The following SIM2 variants were observed in gnomAD, a reference collection of about 807,000 sequenced individuals.
SIM2 encodes the protein SIM bHLH transcription factor 2.
In SIM2, 28 loss-of-function variants were observed where a neutral mutation model predicts 64.8. The ratio of observed to expected loss-of-function variants is 0.43; its 90% CI spans 0.32 to 0.59. The LOEUF (loss-of-function observed/expected upper bound fraction) is 0.59, where lower values mean the gene tolerates loss of function less well. SIM2 is among the 20% of genes least tolerant of loss of function. The pLI is 0.07. For synonymous variants in SIM2, 408 were observed against 391.1 expected (o/e 1.04, Z -0.51); for missense variants, 847 against 871.4 (o/e 0.97, Z 0.35).
At chr21:36,702,497 C>A (rs895291183) in intron 1 of SIM2, among the ~76,000 whole-genome samples, 1 of 152,198 alleles carries the variant, frequency 6.6e-6, no homozygotes, top group Non-Finnish European at 1.5e-5. Context: ...GGGGCCTTGG[C>A]CCTCAGTCAG....
At chr21:36,736,935 T>C (rs570531173) in intron 7 of SIM2, among the ~76,000 whole-genome samples, 37 of 152,122 alleles carry the variant, frequency 2.4e-4, no homozygotes, top group African/African-American at 8.4e-4. Flanking sequence ...TTCTTCATTT[T>C]TATTTTTTAG....
intron 9 of SIM2, 53 bp from the exon 10 acceptor site, chr21:36,744,675 C>G (rs1233558012): frequency 4.0e-6 from 6 of 1,508,834 alleles, no homozygotes; most frequent in Non-Finnish European, 5.3e-6. Flanking sequence ...GGCCGGAAGG[C>G]AGCTTCCTGC....
intron 1 of SIM2, among the ~76,000 whole-genome samples, chr21:36,701,953 C>G (rs2269191): frequency 6.6e-6 from 1 of 152,078 alleles, no homozygotes; most frequent in Non-Finnish European, 1.5e-5. Context: ...ATCCAAAGAT[C>G]AAATGATTTG....
chr21:36,745,390 G>A lies in SIM2; in HGVS notation c.1576+254G>A. On this transcript the variant is annotated intron_variant, in intron 10 of 10. Coordinates refer to ENST00000290399, the MANE Select transcript of SIM2 (RefSeq NM_005069.6). The surrounding 1 kb of genome is among the most constrained non-coding windows in gnomAD (Gnocchi z 4.8). ...AAGGGCAAAGGAAAACCGAGTATCT[G>A]GCCTTCACGTAAATCCTGGCCACAT... The A allele has an allele frequency of 1.5e-6, 2 of 1,365,752 alleles. No homozygotes were observed. Among genetic ancestry groups the A allele is most frequent in the South Asian group, 1.6e-5 (1 of 60,768 alleles). 84.6% of individuals were successfully genotyped at this position (1,365,752 alleles called of 1,614,324 possible).
chr21:36,741,841 C>G lies in SIM2; in HGVS notation c.975C>G (p.Ile325Met). ...GCCGCTCGTCCCGGCCCCACTGCATCGTGAGTGTCAATTATGTACTCACGT... is the reference window on the plus strand; with the variant it reads ...GCCGCTCGTCCCGGCCCCACTGCATGGTGAGTGTCAATTATGTACTCACGT... ...HNSRSSRPHC[I>M]VSVNYVLTEI... Residue 325 changes from isoleucine (I) to methionine (M), a missense_variant, in exon 8 of 11, where the codon ATC (isoleucine) becomes ATG (methionine). This residue lies in a region of SIM2 where 397 missense variants were observed against 439.2 expected (regional missense o/e 0.90). Coordinates refer to ENST00000290399, the MANE Select transcript of SIM2 (RefSeq NM_005069.6). 6.2e-7 allele frequency: 1 copy of G among 1,600,854 alleles called. No homozygotes were observed. The highest frequency in any genetic ancestry group is 8.5e-7 in the Non-Finnish European group (1 of 1,173,886).
intron 2 of SIM2, chr21:36,709,821 T>C (rs2123428626): frequency 4.3e-6 from 1 of 232,920 alleles, no homozygotes; most frequent in South Asian, 5.2e-5. Context: ...TGTTTTGTTT[T>C]GTTTTTTGTT....
rs767744188 is a variant in SIM2 at position 36,719,881 on chromosome 21, A to G, written c.409A>G (p.Thr137Ala). 1.2e-6 allele frequency: 2 copies of G among 1,613,222 alleles called. No homozygotes were observed. The highest frequency in any genetic ancestry group is 1.7e-6 in the Non-Finnish European group (2 of 1,179,678). Residue 137 changes from threonine (T) to alanine (A), a missense_variant, in exon 4 of 11, where the codon ACC becomes GCC. By Grantham distance (58) the Thr-to-Ala change is moderately conservative. Around this residue, in one of 3 missense-constraint regions of SIM2, gnomAD observed 397 missense variants for 439.2 expected, o/e 0.90. Coordinates refer to ENST00000290399, the MANE Select transcript of SIM2 (RefSeq NM_005069.6). ...CCATCCTTCTGACCACGATGAGATG[A>G]CCGCTGTCCTCACGGCCCACCAGCC... ...YIHPSDHDEM[T>A]AVLTAHQPLH...
chr21:36,747,821 C>T lies in SIM2; in HGVS notation c.1733C>T (p.Pro578Leu). 3 of 1,037,136 alleles carry T rather than the reference C, an allele frequency of 2.9e-6. No homozygotes were observed. Among genetic ancestry groups the T allele is most frequent in the Non-Finnish European group, 3.5e-6 (3 of 866,536 alleles). 64.2% of individuals were successfully genotyped at this position (1,037,136 alleles called of 1,614,324 possible). Residue 578 changes from proline (P) to leucine (L), a missense_variant, in exon 11 of 11, where the codon CCC (proline) becomes CTC (leucine). Coordinates refer to ENST00000290399, the MANE Select transcript of SIM2 (RefSeq NM_005069.6). The surrounding 1 kb of genome is among the most constrained non-coding windows in gnomAD (Gnocchi z 4.5). The stretch of plus-strand genomic sequence containing the variant: ...CGGCTGGCGCTGGCCCGCGCGGCAC[C>T]CGAGTGCTGCGCGCCCCCGACCCCC... ...GARLALARAA[P>L]ECCAPPTPEA...
chr21:36,705,842 T>A (rs909750857), intron 1 of SIM2, among the ~76,000 whole-genome samples: 3 of 152,188 alleles, frequency 2.0e-5, no homozygotes, highest in African/African-American at 7.2e-5. Context: ...GTCACCGTTT[T>A]TAGATGCCTG....
chr21:36,708,015 C>G (rs1232471255), intron 1 of SIM2, among the ~76,000 whole-genome samples: 1 of 101,318 alleles, frequency 9.9e-6, no homozygotes, highest in Non-Finnish European at 2.0e-5. Context: ...GCCCGCAGCT[C>G]GCTCCGCAGG....
intron 10 of SIM2, chr21:36,746,448 C>T (rs2089228507): frequency 6.6e-6 from 1 of 152,324 alleles, no homozygotes; most frequent in Admixed American, 6.5e-5. Context: ...TTCTGGGCCT[C>T]ATCCTGCTTT....
rs2089254407 is a variant in SIM2, at chr21:36,747,916, G to C, written c.1828G>C (p.Gly610Arg). 7 of 1,045,222 alleles carry C rather than the reference G, an allele frequency of 6.7e-6. No individual in the cohort carries two copies. Among genetic ancestry groups the C allele is most frequent in the Non-Finnish European group, 8.1e-6 (7 of 865,636 alleles). The allele number at this position is 1,045,222 out of a possible 1,614,324, so 64.7% of individuals were successfully genotyped here. The change falls in exon 11 of 11, where the codon GGA becomes CGA. Residue 610 changes from glycine to arginine, a missense_variant. Transcript: ENST00000290399. The surrounding 1 kb of genome is among the most constrained non-coding windows in gnomAD (Gnocchi z 4.5). ...CTACCACCGCGTGCTGGCCCGGCGC[G>C]GACCGCTGGGGGGCGCCGCACCCGC... ...LNYHRVLARR[G>R]PLGGAAPAAS... is the part of the protein sequence containing the mutation.
rs143395130 is a variant in SIM2 at position 36,712,589 on chromosome 21, C to T, written c.315C>T (p.Ser105=). The change falls in exon 3 of 11, where the codon TCC becomes TCT. Residue 105 remains serine, a synonymous_variant. Transcript: ENST00000290399. ...VASDGKIMYI[S]ETASVHLGLS... ...CTGATGGCAAAATCATGTATATATC[C>T]GAGACCGCTTCTGTCCATTTAGGCT... is the stretch of plus-strand genomic sequence containing the variant. The T allele has an allele frequency of 6.2e-6, 10 of 1,613,288 alleles. No individual in the cohort carries two copies. Among genetic ancestry groups the T allele is most frequent in the Middle Eastern group, 1.7e-4 (1 of 6,052 alleles).
At chr21:36,736,643 G>A (rs1009302437) in intron 7 of SIM2, among the ~76,000 whole-genome samples, 1 of 152,066 alleles carries the variant, frequency 6.6e-6, no homozygotes, top group Non-Finnish European at 1.5e-5. Flanking sequence ...GCGTCATGTC[G>A]GTGTGGTCTG....
chr21:36,702,949 A>AAAAAAT (rs1356728660), intron 1 of SIM2, among the ~76,000 whole-genome samples: 1 of 151,558 alleles, frequency 6.6e-6, no homozygotes, highest in Non-Finnish European at 1.5e-5. Context: ...GAAGAAAAAA[A>AAAAAAT]AAAAAAGAAT....
At chr21:36,740,407 T>G (rs1051601005) in intron 7 of SIM2, among the ~76,000 whole-genome samples, 11 of 152,182 alleles carry the variant, frequency 7.2e-5, no homozygotes, top group African/African-American at 2.2e-4. Flanking sequence ...AACAAGGGAG[T>G]TGGGCATTTG....
At chr21:36,737,984 C>CAAAAAAAAAGCA (rs2089097350) in intron 7 of SIM2, among the ~76,000 whole-genome samples, 3 of 90,246 alleles carry the variant, frequency 3.3e-5, no homozygotes, top group Non-Finnish European at 6.3e-5. Flanking sequence ...AAAAAAAAAG[C>CAAAAAAAAAGCA]AAAAAAAAAG....
chr21:36,718,183 G>C (rs1449824173), intron 3 of SIM2, among the ~76,000 whole-genome samples: 1 of 152,198 alleles, frequency 6.6e-6, no homozygotes, highest in Admixed American at 6.5e-5. Flanking sequence ...TTCTGAATAA[G>C]AAAGCAACTC....
chr21:36,737,961 CAAAAAA>C (rs61252184), intron 7 of SIM2, among the ~76,000 whole-genome samples: 10 of 34,116 alleles, frequency 2.9e-4, no homozygotes, highest in Admixed American at 8.6e-4. Context: ...GACCCTGTCT[CAAAAAA>C]AAAAAAAAAA....
Sources: gnomAD v4.1 joint callset for allele counts (sites outside exome capture counted in the v4.1 genomes callset) on GRCh38, gnomAD v4.1.1 for gene constraint, gnomAD v4.1.1 regional missense constraint, Gnocchi (gnomAD v3.1) non-coding constraint, MANE v1.5 for transcripts, NCBI Gene and HGNC (gene_info 2026-07-23, HGNC 2026-07-21) for gene names.